The following ITCH variants were observed in gnomAD, a reference collection of about 807,000 sequenced individuals.
The protein encoded by ITCH is itchy E3 ubiquitin protein ligase.
In ITCH, 28 loss-of-function variants were observed where a neutral mutation model predicts 126.8. The observed-to-expected ratio is 0.22, with a 90% confidence interval of 0.16 to 0.30. The LOEUF is 0.30. Among genes scored for constraint, ITCH ranks in the 10% least tolerant of loss-of-function variants. The probability of loss-of-function intolerance (pLI) is 1.00; values close to 1 mark genes in which losing one functional copy is unlikely to be tolerated. For synonymous variants in ITCH, 342 were observed against 340.0 expected (o/e 1.01, Z -0.06); for missense variants, 631 against 1,032.4 (o/e 0.61, Z 5.33).
intron 3 of ITCH, chr20:34,401,493 C>T (rs1478401508): frequency 1.0e-5 from 2 of 195,542 alleles, no homozygotes; most frequent in Non-Finnish European, 1.9e-5. Context: ...AGACAGCTTC[C>T]ACCTACTTTC....
intron 2 of ITCH, among the ~76,000 whole-genome samples, chr20:34,390,130 AG>A (rs1481868112): frequency 1.3e-5 from 2 of 150,944 alleles, no homozygotes; most frequent in African/African-American, 2.4e-5. Context: ...AAAAAAAAAA[AG>A]AAAAAAATTG....
rs759646195 is a variant in ITCH at position 34,477,760 on chromosome 20, A to AT, written c.1570-3dup. 1.2e-4 allele frequency: 189 copies of AT among 1,589,808 alleles called. No homozygotes were observed. The highest frequency in any genetic ancestry group is 1.4e-4 in the Non-Finnish European group (160 of 1,160,872). ...CTTTTTTCACCAATTATTTTACTTTATTTTTTTTTAGATAATGAGCTTCAG... is the reference window on the plus strand; with the variant it reads ...CTTTTTTCACCAATTATTTTACTTTATTTTTTTTTTAGATAATGAGCTTCAG... On this transcript the variant is annotated splice_polypyrimidine_tract_variant and intron_variant, in intron 16 of 24. Transcript: ENST00000374864.
Position 34,396,019 on chromosome 20 carries a change from A to AATT in ITCH, c.70+2154_70+2156dup, listed in dbSNP as rs916741230. Among the ~76,000 whole-genome samples, 20 of 150,020 alleles carry AATT rather than the reference A, an allele frequency of 1.3e-4. 1 individual carries two copies. Among genetic ancestry groups the AATT allele is most frequent in the African/African-American group, 2.2e-4 (9 of 40,760 alleles). ...TTTATTAGCATTTTGAGGAATTCCA[A>AATT]ATTATTATTATTATTATTTTTTTTT... On this transcript the variant is annotated intron_variant, in intron 3 of 24. Transcript: ENST00000374864.
intron 3 of ITCH, among the ~76,000 whole-genome samples, chr20:34,399,937 T>A (rs2038811820): frequency 2.0e-5 from 3 of 151,814 alleles, no homozygotes; most frequent in Non-Finnish European, 4.4e-5. Flanking sequence ...TTAAAAAAAA[T>A]TGTGTTTTTG....
At chr20:34,446,002 C>T (rs1984404470) in intron 11 of ITCH, among the ~76,000 whole-genome samples, 1 of 152,026 alleles carries the variant, frequency 6.6e-6, no homozygotes, top group Non-Finnish European at 1.5e-5. Flanking sequence ...AAATCATTTC[C>T]CTTCTAGAAA....
chr20:34,509,985 A>G lies in ITCH; in HGVS notation c.*2191A>G, dbSNP rs566127125. On this transcript the variant is annotated 3_prime_UTR_variant, in exon 25 of 25. Coordinates refer to ENST00000374864, the MANE Select transcript of ITCH (RefSeq NM_031483.7). Reference sequence around the variant, plus strand: ...AAATATTGTGTGAAAATATATAAATATCACCCAAAAGGCTTTCTGCCCTAT... The same window carrying G: ...AAATATTGTGTGAAAATATATAAATGTCACCCAAAAGGCTTTCTGCCCTAT... The G allele has an allele frequency of 5.2e-5, 8 of 152,670 alleles. No individual in the cohort carries two copies. The highest frequency in any genetic ancestry group is 1.0e-4 in the Non-Finnish European group (7 of 68,038). 9.5% of individuals were successfully genotyped at this position (152,670 alleles called of 1,614,324 possible). A position where few individuals can be genotyped will look rare whatever the true frequency, so the allele number is the denominator to read the frequency against.
chr20:34,377,836 A>G (rs529076744), intron 2 of ITCH, among the ~76,000 whole-genome samples: 1 of 151,588 alleles, frequency 6.6e-6, no homozygotes, highest in Admixed American at 6.6e-5. Flanking sequence ...GTATCACAGT[A>G]CTCCAGCCTA....
At chr20:34,396,472 G>C (rs973950829) in intron 3 of ITCH, among the ~76,000 whole-genome samples, 1 of 151,868 alleles carries the variant, frequency 6.6e-6, no homozygotes, top group East Asian at 1.9e-4. Context: ...ATTTTACTCT[G>C]TGTGTGTGCG....
chr20:34,368,017 T>C (rs1273332847), intron 1 of ITCH, among the ~76,000 whole-genome samples: 1 of 152,146 alleles, frequency 6.6e-6, no homozygotes, highest in African/African-American at 2.4e-5. Context: ...ATGCCTGTAA[T>C]CCCAGCATTT....
chr20:34,464,771 C>G (rs1205545707), intron 14 of ITCH, among the ~76,000 whole-genome samples: 2 of 151,742 alleles, frequency 1.3e-5, no homozygotes, highest in Admixed American at 1.3e-4. Flanking sequence ...AGTGCAGTGG[C>G]AAGATCTCAG....
At chr20:34,493,304 GTACTT>G (rs1989643118) in intron 23 of ITCH, among the ~76,000 whole-genome samples, 1 of 152,178 alleles carries the variant, frequency 6.6e-6, no homozygotes, top group Admixed American at 6.5e-5. Flanking sequence ...AGTTTAGAAA[GTACTT>G]TAAAAGCCAG....
At chr20:34,431,544 GAGATAACC>G (rs1363391510) in intron 7 of ITCH, among the ~76,000 whole-genome samples, 14 of 152,284 alleles carry the variant, frequency 9.2e-5, no homozygotes, top group African/African-American at 3.4e-4. Context: ...ATCATTCTCT[GAGATAACC>G]TTAGAAATCA....
intron 16 of ITCH, among the ~76,000 whole-genome samples, chr20:34,474,069 A>G (rs1010877769): frequency 1.3e-5 from 2 of 152,280 alleles, no homozygotes; most frequent in African/African-American, 4.8e-5. Context: ...CTAAACAAAC[A>G]TAAGAAAAAA....
At chr20:34,443,378 C>T (rs898238575) in intron 10 of ITCH, among the ~76,000 whole-genome samples, 4 of 151,296 alleles carry the variant, frequency 2.6e-5, no homozygotes, top group Admixed American at 6.6e-5. Flanking sequence ...GGTGTTGTGG[C>T]GCGCCTGTAG....
chr20:34,475,458 G>A (rs1384299064), intron 16 of ITCH, among the ~76,000 whole-genome samples: 1 of 152,218 alleles, frequency 6.6e-6, no homozygotes, highest in Admixed American at 6.5e-5. Flanking sequence ...CTGGAGACCG[G>A]CCCGGCCAAC....
chr20:34,489,234 TCC>T, intron 20 of ITCH, 30 bp from the exon 21 acceptor site: 1 of 1,605,700 alleles, frequency 6.2e-7, no homozygotes, highest in Non-Finnish European at 8.5e-7. Context: ...GATCTAAACT[TCC>T]TGATAGGTTT....
At chr20:34,450,752 G>A (rs992792029) in intron 12 of ITCH, among the ~76,000 whole-genome samples, 1 of 152,108 alleles carries the variant, frequency 6.6e-6, no homozygotes, top group African/African-American at 2.4e-5. Flanking sequence ...GGGAAAAGTT[G>A]GTCCCCAAGA....
At chr20:34,468,949 C>T (rs903831441) in intron 14 of ITCH, among the ~76,000 whole-genome samples, 1 of 151,914 alleles carries the variant, frequency 6.6e-6, no homozygotes, top group African/African-American at 2.4e-5. Flanking sequence ...AATTTAACAG[C>T]GTAACAGAAT....
intron 22 of ITCH, among the ~76,000 whole-genome samples, chr20:34,490,560 T>C (rs1409998341): frequency 6.6e-6 from 1 of 152,164 alleles, no homozygotes; most frequent in Non-Finnish European, 1.5e-5. Flanking sequence ...GGAGAATCAC[T>C]TGAACCTGGA....
Sources: gnomAD v4.1 joint callset for allele counts (sites outside exome capture counted in the v4.1 genomes callset) on GRCh38, gnomAD v4.1.1 for gene constraint, MANE v1.5 for transcripts, NCBI Gene and HGNC (gene_info 2026-07-23, HGNC 2026-07-21) for gene names.